The following MED13L variants were observed in gnomAD, a reference collection of about 807,000 sequenced individuals.
MED13L encodes the protein mediator complex subunit 13L.
MED13L carries 7 observed loss-of-function variants against 220.9 expected under a neutral mutation model. The ratio of observed to expected loss-of-function variants is 0.03; its 90% CI spans 0.02 to 0.06. The LOEUF (loss-of-function observed/expected upper bound fraction) is 0.06. Ranked by LOEUF, MED13L falls within the 10% of genes least tolerant of loss-of-function variation. MED13L has a pLI of 1.00. For synonymous variants in MED13L, 1,011 were observed against 1,015.2 expected (o/e 1.00, Z 0.08); for missense variants, 1,965 against 2,760.5 (o/e 0.71, Z 6.46).
chr12:116,167,114 T>C (rs563830552), intron 2 of MED13L, among the ~76,000 whole-genome samples: 1 of 152,198 alleles, frequency 6.6e-6, no homozygotes, highest in Admixed American at 6.5e-5. Context: ...AGATTAAAGA[T>C]GAGTTTGTAA....
At chr12:115,998,191 C>T (rs1878524030) in intron 14 of MED13L, among the ~76,000 whole-genome samples, 1 of 152,196 alleles carries the variant, frequency 6.6e-6, no homozygotes, top group African/African-American at 2.4e-5. Context: ...TTCATTAAGG[C>T]ACTGATTCTT....
chr12:116,084,542 T>C (rs1268417732), intron 4 of MED13L, among the ~76,000 whole-genome samples: 3 of 152,224 alleles, frequency 2.0e-5, no homozygotes, highest in Non-Finnish European at 4.4e-5. Flanking sequence ...AAATATTATT[T>C]ATTCAAGAAC....
intron 2 of MED13L, among the ~76,000 whole-genome samples, chr12:116,170,329 G>T (rs759152741): frequency 6.6e-5 from 10 of 152,100 alleles, no homozygotes; most frequent in Non-Finnish European, 1.5e-4. Context: ...AACAGATACT[G>T]TCAGTTTTCC....
At chr12:116,261,937 A>G (rs56129243) in intron 1 of MED13L, among the ~76,000 whole-genome samples, 8,968 of 152,158 alleles carry the variant, frequency 0.059, 339 homozygotes, top group South Asian at 0.097. Context: ...TTTTTCCCCT[A>G]TGACAATCCA....
At chr12:116,177,123 C>G (rs1255655962) in intron 2 of MED13L, among the ~76,000 whole-genome samples, 1 of 151,998 alleles carries the variant, frequency 6.6e-6, no homozygotes, top group Non-Finnish European at 1.5e-5. Flanking sequence ...AGTGAACACA[C>G]CTGTGTAATG....
chr12:116,175,125 C>CA (rs1479558425), intron 2 of MED13L, among the ~76,000 whole-genome samples: 1 of 151,510 alleles, frequency 6.6e-6, no homozygotes, highest in Non-Finnish European at 1.5e-5. Flanking sequence ...CTGTCTCTGC[C>CA]AAAAAATAAT....
chr12:116,058,510 T>A (rs1869157577), intron 4 of MED13L, among the ~76,000 whole-genome samples: 1 of 152,158 alleles, frequency 6.6e-6, no homozygotes. Flanking sequence ...AAACTGGCAA[T>A]AAAACCTATC....
At chr12:116,088,718 G>C (rs1159993121) in intron 4 of MED13L, among the ~76,000 whole-genome samples, 2 of 109,086 alleles carry the variant, frequency 1.8e-5, no homozygotes, top group Non-Finnish European at 3.8e-5. Flanking sequence ...GCTTAAAAAA[G>C]AAAGAAAAGA....
At chr12:115,974,408 A>C (rs964640161) in intron 25 of MED13L, among the ~76,000 whole-genome samples, 36 of 152,252 alleles carry the variant, frequency 2.4e-4, no homozygotes, top group African/African-American at 8.2e-4. Context: ...CAAATCTGTC[A>C]TTACTTAATA....
At chr12:116,085,572 A>C (rs1292118948) in intron 4 of MED13L, among the ~76,000 whole-genome samples, 1 of 152,200 alleles carries the variant, frequency 6.6e-6, no homozygotes, top group Admixed American at 6.5e-5. Flanking sequence ...ATTCAGTTTA[A>C]TCCAACCTTT....
rs753420262 is a variant in MED13L at position 116,096,759 on chromosome 12, T to C, written c.396-7A>G. The C allele has an allele frequency of 1.2e-6, 2 of 1,606,922 alleles. No individual in the cohort carries two copies. Among genetic ancestry groups the C allele is most frequent in the Admixed American group, 3.3e-5 (2 of 59,998 alleles). On this transcript the variant is annotated splice_region_variant and splice_polypyrimidine_tract_variant and intron_variant, in intron 3 of 30. Transcript: ENST00000281928. ...GTTCTTATCCATTAGGCACCTAAAA[T>C]AATTACATCAAGAATTACTTTTATA... is the stretch of plus-strand genomic sequence containing the variant.
chr12:116,091,506 C>T (rs912619205), intron 4 of MED13L, among the ~76,000 whole-genome samples: 1 of 152,198 alleles, frequency 6.6e-6, no homozygotes, highest in African/African-American at 2.4e-5. Flanking sequence ...GTACCTGGTA[C>T]ACGAAAGATA....
intron 2 of MED13L, among the ~76,000 whole-genome samples, chr12:116,153,047 C>T (rs1430723469): frequency 6.6e-6 from 1 of 152,142 alleles, no homozygotes; most frequent in Non-Finnish European, 1.5e-5. Context: ...TACTAAACCT[C>T]TCCGAGCCTT....
intron 3 of MED13L, among the ~76,000 whole-genome samples, chr12:116,100,831 T>A (rs1351771718): frequency 6.6e-6 from 1 of 152,060 alleles, no homozygotes; most frequent in African/African-American, 2.4e-5. Context: ...GACAGATCAC[T>A]GGAGCCCAGG....
At chr12:116,226,074 T>C (rs919327863) in intron 2 of MED13L, among the ~76,000 whole-genome samples, 3 of 151,536 alleles carry the variant, frequency 2.0e-5, no homozygotes, top group African/African-American at 7.3e-5. Flanking sequence ...TTTTTTTTTT[T>C]TTTAAATCAA....
intron 3 of MED13L, among the ~76,000 whole-genome samples, chr12:116,097,926 T>G (rs982738815): frequency 1.5e-4 from 23 of 152,158 alleles, no homozygotes; most frequent in African/African-American, 5.3e-4. Context: ...TGCCATGGAT[T>G]GTAAGGAGTA....
In MED13L at chr12:116,119,834, AAAAAATATATAT is replaced by A. The variant is rs1874864331; in HGVS notation, c.311-8334_311-8323del. ...TAAAAAAAAAAAAAAAAAAAAAAAA[AAAAAATATATAT>A]ATATATATATATATATGAAACTTGT... On this transcript the variant is annotated intron_variant, in intron 2 of 30. Coordinates refer to ENST00000281928, the MANE Select transcript of MED13L (RefSeq NM_015335.5). 6.3e-5 allele frequency among the ~76,000 whole-genome samples: 6 copies of A among 94,956 alleles called. 1 individual carries two copies. In the South Asian group the frequency reaches 2.0e-3, roughly 32 times the overall value. 62.3% of individuals were successfully genotyped at this position (94,956 alleles called of 152,430 possible).
chr12:116,163,157 T>TACA (rs1214944298), intron 2 of MED13L, among the ~76,000 whole-genome samples: 2 of 152,164 alleles, frequency 1.3e-5, no homozygotes, highest in Non-Finnish European at 2.9e-5. Context: ...AGTTACAAAA[T>TACA]ACAAACAAAA....
intron 4 of MED13L, among the ~76,000 whole-genome samples, chr12:116,038,548 G>A (rs1355879652): frequency 6.6e-6 from 1 of 151,948 alleles, no homozygotes; most frequent in African/African-American, 2.4e-5. Flanking sequence ...GGAGCAAGTG[G>A]CAGTCATGGT....
Sources: allele counts gnomAD v4.1 joint callset (sites outside exome capture counted in the v4.1 genomes callset), GRCh38; gene constraint gnomAD v4.1.1; transcripts MANE v1.5; gene names NCBI Gene and HGNC (gene_info 2026-07-23, HGNC 2026-07-21).